The following PRR5 variants were observed in gnomAD, a reference collection of about 807,000 sequenced individuals.
The protein encoded by PRR5 is proline-rich protein 5.
A neutral mutation model predicts 30.6 loss-of-function variants in PRR5; 25 were observed. The ratio of observed to expected loss-of-function variants is 0.82; its 90% CI spans 0.60 to 1.14. PRR5 has a LOEUF of 1.14. Ranked by LOEUF, PRR5 falls within the 50% of genes most tolerant of loss-of-function variation. The probability of loss-of-function intolerance (pLI) is 0.00; values close to 1 mark genes in which losing one functional copy is unlikely to be tolerated. For synonymous variants in PRR5, 286 were observed against 247.1 expected, an observed-to-expected ratio of 1.16 and a Z score of -1.48; for missense variants, 600 against 547.1, an observed-to-expected ratio of 1.10 and a Z score of -0.96.
chr22:44,735,317 G>C (rs1338269309), intron 7 of PRR5, among the ~76,000 whole-genome samples, 155 bp downstream of exon 7: 1 of 152,214 alleles, frequency 6.6e-6, no homozygotes, highest in Admixed American at 6.5e-5. Context: ...CCATATGCTG[G>C]CCTGGACGTG....
chr22:44,721,008 G>T (rs571697498), intron 2 of PRR5, among the ~76,000 whole-genome samples: 1 of 152,098 alleles, frequency 6.6e-6, no homozygotes, highest in Non-Finnish European at 1.5e-5. Context: ...TTATTCCTTC[G>T]TCAGCATTCA....
intron 1 of PRR5, among the ~76,000 whole-genome samples, chr22:44,688,130 T>A (rs1313222815): frequency 6.8e-6 from 1 of 146,912 alleles, no homozygotes; most frequent in Non-Finnish European, 1.5e-5. Context: ...ACACCTGTAA[T>A]ACCAACACTT....
rs749422974 is a variant in PRR5, at chr22:44,691,725, G to T, written c.-10-10767G>T. 1.4e-4 allele frequency among the ~76,000 whole-genome samples: 21 copies of T among 152,156 alleles called. No homozygotes were observed. The highest frequency in any genetic ancestry group is 2.6e-4 in the Non-Finnish European group (18 of 67,986). On this transcript the variant is annotated intron_variant, in intron 1 of 8. Transcript: ENST00000006251. This position sits in a 1 kb window ranked among gnomAD's most constrained non-coding sequence, Gnocchi z 4.4. ...GGAGGTAGAGGCTGCAGTGAGCCGA[G>T]ATTGCACCACTGCATTCCAGCCTGC...
At chr22:44,713,863 G>C (rs565383032) in intron 1 of PRR5, among the ~76,000 whole-genome samples, 1 of 152,326 alleles carries the variant, frequency 6.6e-6, no homozygotes, top group East Asian at 1.9e-4. Context: ...GAGTGCAGTG[G>C]CGCGATCTCG....
intron 6 of PRR5, chr22:44,734,643 G>A (rs1403213090): frequency 5.2e-6 from 1 of 193,244 alleles, no homozygotes; most frequent in African/African-American, 2.3e-5. Flanking sequence ...AGCCCCAGGT[G>A]AGCAGCTTGG....
rs1925268771 is a variant in PRR5 at position 44,691,844 on chromosome 22, G to A, written c.-10-10648G>A. ...GGACTCCTTGGTAGCAGAAGTGGGG[G>A]CATGGCTGGTGGTTGCCACCCTGGT... On this transcript the variant is annotated intron_variant, in intron 1 of 8. Transcript: ENST00000006251. This position sits in a 1 kb window ranked among gnomAD's most constrained non-coding sequence, Gnocchi z 4.4. Among the ~76,000 whole-genome samples the A allele has an allele frequency of 1.3e-5, 2 of 152,032 alleles. No individual in the cohort carries two copies. The highest frequency in any genetic ancestry group is 4.1e-4 in the South Asian group (2 of 4,826).
intron 1 of PRR5, 151 bp from the exon 2 acceptor site, chr22:44,714,439 AG>A: frequency 9.2e-7 from 1 of 1,083,164 alleles, no homozygotes; most frequent in Non-Finnish European, 1.3e-6. Flanking sequence ...CTGGGGGTGC[AG>A]GGCCTCGGAG....
chr22:44,722,056 TG>T (rs1012072915), intron 2 of PRR5, among the ~76,000 whole-genome samples: 9 of 151,666 alleles, frequency 5.9e-5, no homozygotes, highest in Non-Finnish European at 1.2e-4. Flanking sequence ...GGGAGAAGGT[TG>T]GGGGGACTGC....
intron 1 of PRR5, among the ~76,000 whole-genome samples, chr22:44,693,113 A>G (rs976366127): frequency 6.6e-6 from 1 of 152,044 alleles, no homozygotes; most frequent in Non-Finnish European, 1.5e-5. Flanking sequence ...AAGGCAACGT[A>G]TTTGTGTCCT....
intron 1 of PRR5, among the ~76,000 whole-genome samples, chr22:44,670,280 T>G (rs1226305736): frequency 6.6e-6 from 1 of 152,294 alleles, no homozygotes; most frequent in East Asian, 1.9e-4. Context: ...GGTTATGGCC[T>G]CCCCAGGGAC....
intron 4 of PRR5, among the ~76,000 whole-genome samples, chr22:44,727,025 A>G (rs1295296865): frequency 6.6e-6 from 1 of 152,012 alleles, no homozygotes; most frequent in Non-Finnish European, 1.5e-5. Context: ...AGAGGAGGGG[A>G]CAGGGTGGGG....
upstream of PRR5, among the ~76,000 whole-genome samples, chr22:44,675,689 G>A (rs1292376869): frequency 6.6e-6 from 1 of 152,086 alleles, no homozygotes. Flanking sequence ...AGGAGTAAAC[G>A]AGGAGATGGG....
At chr22:44,695,075 G>A (rs1164311253) in intron 1 of PRR5, among the ~76,000 whole-genome samples, 1 of 152,132 alleles carries the variant, frequency 6.6e-6, no homozygotes, top group African/African-American at 2.4e-5. Context: ...GGGGACTGAG[G>A]CAAGAGAATC....
chr22:44,692,425 C>A (rs140531353), intron 1 of PRR5, among the ~76,000 whole-genome samples: 2,861 of 142,364 alleles, frequency 0.02, 35 homozygotes, highest in Middle Eastern at 0.031. Flanking sequence ...CTCCTCCTCC[C>A]GGGGGCTCCT....
chr22:44,704,081 C>T (rs1312018352), intron 1 of PRR5, among the ~76,000 whole-genome samples: 1 of 152,192 alleles, frequency 6.6e-6, no homozygotes, highest in East Asian at 1.9e-4. Flanking sequence ...TAACAGTGCC[C>T]ACCTCATGGG....
intron 3 of PRR5, 133 bp downstream of exon 3, chr22:44,725,425 C>G (rs764478575): frequency 8.3e-7 from 1 of 1,202,094 alleles, no homozygotes; most frequent in Admixed American, 2.2e-5. Context: ...GGACCTGCCT[C>G]GTTCCTTATC....
At chr22:44,697,017 G>A (rs1202696511) in intron 1 of PRR5, among the ~76,000 whole-genome samples, 7 of 152,114 alleles carry the variant, frequency 4.6e-5, no homozygotes, top group Non-Finnish European at 8.8e-5. Flanking sequence ...GATCACAGGC[G>A]TGAGCCACCA....
At chr22:44,720,730 G>A (rs1929804491) in intron 2 of PRR5, among the ~76,000 whole-genome samples, 1 of 152,200 alleles carries the variant, frequency 6.6e-6, no homozygotes, top group South Asian at 2.1e-4. Context: ...GCTCTCATTG[G>A]GGTCCGGGAG....
Position 44,702,416 on chromosome 22 carries a change from C to G in PRR5, c.-59C>G, listed in dbSNP as rs1462219443. ...CGCCGGCCCGGGGCCCTTGGTGCGGCGTGGCGCAGGGCGCGGCGTGGGGCG... is the reference window on the plus strand; with the variant it reads ...CGCCGGCCCGGGGCCCTTGGTGCGGGGTGGCGCAGGGCGCGGCGTGGGGCG... On this transcript the variant is annotated 5_prime_UTR_variant, in exon 1 of 8. Transcript: ENST00000336985. 21 of 1,247,124 alleles carry G rather than the reference C, an allele frequency of 1.7e-5. No homozygotes were observed. Among genetic ancestry groups the G allele is most frequent in the South Asian group, 1.0e-4 (3 of 28,818 alleles). The allele number at this position is 1,247,124 out of a possible 1,614,324, so 77.3% of individuals were successfully genotyped here.
Sources: allele counts gnomAD v4.1 joint callset (sites outside exome capture counted in the v4.1 genomes callset), GRCh38; gene constraint gnomAD v4.1.1; non-coding constraint Gnocchi (gnomAD v3.1); transcripts MANE v1.5; gene names NCBI Gene and HGNC (gene_info 2026-07-23, HGNC 2026-07-21).